Variants in TRMT11 observed in about 807,000 individuals in gnomAD.
The protein encoded by TRMT11 is tRNA (guanine(10)-N(2))-methyltransferase TRMT11.
In TRMT11, 53 loss-of-function variants were observed where a neutral mutation model predicts 62.8. The observed-to-expected ratio is 0.84, with a 90% confidence interval of 0.68 to 1.06. TRMT11 has a LOEUF of 1.06. Ranked by LOEUF, TRMT11 falls within the 50% of genes least tolerant of loss-of-function variation. TRMT11 has a pLI of 0.00. For missense variants in TRMT11, 556 were observed against 553.4 expected (o/e 1.00, Z -0.05); for synonymous variants, 188 against 190.3 (o/e 0.99, Z 0.10).
At chr6:126,180,769 G>A (rs1360327) in intron 1 of TRMT11, among the ~76,000 whole-genome samples, 5 of 152,230 alleles carry the variant, frequency 3.3e-5, no homozygotes, top group East Asian at 1.9e-4. Context: ...TGTGGTTTAC[G>A]AGTCATGGGA....
the TRMT11 span, among the ~76,000 whole-genome samples, chr6:126,216,050 T>G: frequency 6.6e-6 from 1 of 152,162 alleles, no homozygotes. Context: ...TTCTGTATTT[T>G]TCTGTGTACT....
At chr6:126,136,193 AATT>A (rs1381109959) in intron 21 of TRMT11, among the ~76,000 whole-genome samples, 23 of 151,582 alleles carry the variant, frequency 1.5e-4, no homozygotes, top group Non-Finnish European at 1.2e-4. Context: ...CAGGAAGTCA[AATT>A]ATTATTATTT....
At chr6:126,161,403 A>C (rs1172316882) in intron 21 of TRMT11, among the ~76,000 whole-genome samples, 1 of 152,220 alleles carries the variant, frequency 6.6e-6, no homozygotes, top group African/African-American at 2.4e-5. Context: ...CCTGCAAAGG[A>C]CATGAACTCA....
chr6:126,234,003 T>A, the TRMT11 span, among the ~76,000 whole-genome samples: 24 of 152,322 alleles, frequency 1.6e-4, no homozygotes, highest in African/African-American at 5.5e-4. Flanking sequence ...TTATTATTAC[T>A]ATTGTATTAG....
intron 12 of TRMT11, among the ~76,000 whole-genome samples, chr6:126,032,613 C>T (rs576895508): frequency 5.3e-5 from 8 of 152,230 alleles, no homozygotes; most frequent in East Asian, 3.9e-4. Flanking sequence ...TTCCCTTCAC[C>T]GCTTCTGGAT....
intron 21 of TRMT11, among the ~76,000 whole-genome samples, chr6:126,161,361 T>C (rs961086922): frequency 6.6e-5 from 10 of 152,216 alleles, no homozygotes; most frequent in Non-Finnish European, 5.9e-5. Context: ...GATAGTTTTC[T>C]GAGAAAGACA....
the TRMT11 span, among the ~76,000 whole-genome samples, chr6:126,219,848 T>A: frequency 6.6e-6 from 1 of 152,370 alleles, no homozygotes; most frequent in South Asian, 2.1e-4. Context: ...TTATAAACAT[T>A]AACTTGATTT....
At chr6:126,096,203 C>T (rs1442126861) in intron 17 of TRMT11, among the ~76,000 whole-genome samples, 1 of 152,118 alleles carries the variant, frequency 6.6e-6, no homozygotes, top group East Asian at 1.9e-4. Context: ...TTCATTAGGG[C>T]CAGTGGATCC....
intron 21 of TRMT11, among the ~76,000 whole-genome samples, chr6:126,137,667 T>C (rs374886642): frequency 9.5e-4 from 145 of 151,984 alleles, no homozygotes; most frequent in African/African-American, 3.3e-3. Context: ...TATCTGCAGT[T>C]TCACGTTTAT....
the TRMT11 span, among the ~76,000 whole-genome samples, chr6:126,260,537 C>T: frequency 1.3e-5 from 2 of 152,104 alleles, no homozygotes; most frequent in African/African-American, 2.4e-5. Flanking sequence ...TATACCTTCA[C>T]GTGTTTTCAT....
chr6:126,196,766 C>T lies in TRMT11; in HGVS notation n.144-2033C>T, dbSNP rs1037068704. Among the ~76,000 whole-genome samples the T allele has an allele frequency of 7.2e-5, 11 of 152,124 alleles. No homozygotes were observed. The East Asian group carries it at 2.1e-3, about 29-fold the overall frequency. On this transcript the variant is annotated intron_variant and non_coding_transcript_variant, in intron 1 of 3. Transcript: ENST00000444229. The stretch of plus-strand genomic sequence containing the variant: ...GAAAAGGAATACCTATTAAATAAGA[C>T]CTTTTAAGTTTCATTTAAAAATTCA...
chr6:126,066,550 C>T (rs957063148), intron 17 of TRMT11, among the ~76,000 whole-genome samples: 1 of 152,104 alleles, frequency 6.6e-6, no homozygotes, highest in Admixed American at 6.5e-5. Flanking sequence ...TCATGGGGGC[C>T]CCACCCTCAT....
chr6:126,010,290 G>A (rs1324500706), intron 8 of TRMT11, among the ~76,000 whole-genome samples: 2 of 151,966 alleles, frequency 1.3e-5, no homozygotes, highest in Non-Finnish European at 2.9e-5. Flanking sequence ...GTCTTGGCAG[G>A]TGGTACTTTT....
exon 4 of TRMT11, chr6:126,202,220 ATAAAG>A (rs1778741004): frequency 1.3e-5 from 2 of 152,206 alleles, no homozygotes; most frequent in African/African-American, 4.8e-5. Flanking sequence ...TGTCTGATGG[ATAAAG>A]TAAAGATAAG....
the TRMT11 span, among the ~76,000 whole-genome samples, chr6:126,209,979 G>A: frequency 6.6e-6 from 1 of 152,152 alleles, no homozygotes; most frequent in Non-Finnish European, 1.5e-5. Flanking sequence ...ACTTTGTGAT[G>A]TGTGTGGTAA....
At chr6:125,997,924 TC>T (rs1791830061) in intron 3 of TRMT11, 128 bp from the exon 4 acceptor site, 9 of 617,164 alleles carry the variant, frequency 1.5e-5, no homozygotes, top group Non-Finnish European at 2.6e-5. Context: ...AATAACCGAT[TC>T]ATTTATACTT....
intron 17 of TRMT11, among the ~76,000 whole-genome samples, chr6:126,058,169 T>C (rs927676342): frequency 3.3e-5 from 5 of 152,282 alleles, no homozygotes; most frequent in African/African-American, 1.2e-4. Context: ...TGTGTTCTCA[T>C]TGTTCAACTC....
intron 21 of TRMT11, among the ~76,000 whole-genome samples, chr6:126,159,431 A>G (rs973004344): frequency 4.6e-5 from 7 of 152,218 alleles, no homozygotes; most frequent in Admixed American, 1.3e-4. Context: ...CTTTATTTAC[A>G]AAAAGAATCT....
the TRMT11 span, among the ~76,000 whole-genome samples, chr6:126,219,672 C>T: frequency 1.3e-5 from 2 of 152,176 alleles, no homozygotes; most frequent in Non-Finnish European, 2.9e-5. Context: ...TGCAGAGTTG[C>T]AGTTTTCTGT....
Sources: gnomAD v4.1 joint callset for allele counts (sites outside exome capture counted in the v4.1 genomes callset) on GRCh38, gnomAD v4.1.1 for gene constraint, MANE v1.5 for transcripts, NCBI Gene and HGNC (gene_info 2026-07-23, HGNC 2026-07-21) for gene names.